ARHGAP24: variants seen among roughly 807,000 people sequenced by gnomAD.
The protein encoded by ARHGAP24 is rho GTPase-activating protein 24.
Under a neutral mutation model 76.4 loss-of-function variants are expected in ARHGAP24, and 50 were observed. That is an observed-to-expected ratio of 0.65 (90% confidence interval 0.52 to 0.83). The LOEUF is 0.83. Ranked by LOEUF, ARHGAP24 falls within the 40% of genes least tolerant of loss-of-function variation. ARHGAP24 has a pLI of 0.00. For synonymous variants in ARHGAP24, 345 were observed against 323.3 expected (o/e 1.07, Z -0.72); for missense variants, 930 against 914.2 (o/e 1.02, Z -0.22).
intron 3 of ARHGAP24, among the ~76,000 whole-genome samples, chr4:85,752,394 C>T (rs1726296988): frequency 6.6e-6 from 1 of 152,086 alleles, no homozygotes; most frequent in Non-Finnish European, 1.5e-5. Context: ...CCCACAACTC[C>T]ATGAAGCACA....
chr4:85,786,120 A>G (rs1727829480), intron 3 of ARHGAP24, among the ~76,000 whole-genome samples: 2 of 152,186 alleles, frequency 1.3e-5, no homozygotes, highest in South Asian at 4.1e-4. Context: ...TGGGATCTTA[A>G]TGATCTCGTA....
At chr4:85,754,272 A>G (rs888873804) in intron 3 of ARHGAP24, among the ~76,000 whole-genome samples, 1 of 152,220 alleles carries the variant, frequency 6.6e-6, no homozygotes, top group African/African-American at 2.4e-5. Context: ...ATTCTTTTGT[A>G]TGGGTGAATA....
chr4:85,517,455 A>G (rs1306869031), intron 1 of ARHGAP24, among the ~76,000 whole-genome samples: 2 of 152,162 alleles, frequency 1.3e-5, no homozygotes, highest in African/African-American at 4.8e-5. Context: ...AAAATTTAAC[A>G]ATTTAAAATT....
intron 3 of ARHGAP24, among the ~76,000 whole-genome samples, chr4:85,847,987 G>C (rs1172171041): frequency 6.6e-6 from 1 of 152,070 alleles, no homozygotes; most frequent in Non-Finnish European, 1.5e-5. Context: ...TACTGTGCAG[G>C]ATTACACAGT....
At chr4:85,873,401 T>G (rs966156557) in intron 3 of ARHGAP24, among the ~76,000 whole-genome samples, 1 of 152,224 alleles carries the variant, frequency 6.6e-6, no homozygotes, top group African/African-American at 2.4e-5. Context: ...CAAGTGAGCA[T>G]GCATCTTTAG....
chr4:85,956,787 G>T (rs1259022183), intron 5 of ARHGAP24, among the ~76,000 whole-genome samples: 1 of 152,142 alleles, frequency 6.6e-6, no homozygotes, highest in Non-Finnish European at 1.5e-5. Flanking sequence ...GAAGTCAGCG[G>T]CAGGCAGCAA....
intron 2 of ARHGAP24, among the ~76,000 whole-genome samples, chr4:85,611,436 T>C (rs1373504247): frequency 2.0e-5 from 3 of 152,214 alleles, no homozygotes; most frequent in Non-Finnish European, 4.4e-5. Context: ...CTAGATCCCA[T>C]GACAATTATC....
intron 2 of ARHGAP24, among the ~76,000 whole-genome samples, chr4:85,604,732 G>T (rs547189819): frequency 1.3e-5 from 2 of 151,978 alleles, no homozygotes; most frequent in Non-Finnish European, 2.9e-5. Flanking sequence ...GATTATAGGT[G>T]TGCACCACTA....
rs115797805 is a variant in ARHGAP24 at position 85,676,609 on chromosome 4, G to A, written c.181-45276G>A. 8.1e-3 allele frequency among the ~76,000 whole-genome samples: 1,232 copies of A among 152,146 alleles called. 18 individuals carry two copies. The highest frequency in any genetic ancestry group is 0.028 in the African/African-American group (1,150 of 41,498). On this transcript the variant is annotated intron_variant, in intron 2 of 9. Transcript: ENST00000395184. ...AAATGTTTGTCTTGTTTCTCCTATT[G>A]TTACCAATGGTCCTTTTGGCTCCCA...
chr4:85,600,353 A>G (rs1411012791), intron 2 of ARHGAP24, among the ~76,000 whole-genome samples: 1 of 152,198 alleles, frequency 6.6e-6, no homozygotes, highest in East Asian at 1.9e-4. Context: ...GTTTTAAGAA[A>G]GGGAGTGACA....
chr4:85,611,569 A>G (rs898919165), intron 2 of ARHGAP24, among the ~76,000 whole-genome samples: 13 of 152,254 alleles, frequency 8.5e-5, no homozygotes, highest in African/African-American at 3.1e-4. Flanking sequence ...TTATTAGTCA[A>G]TACTACAAAA....
chr4:85,987,049 A>G (rs1740047762), intron 8 of ARHGAP24, among the ~76,000 whole-genome samples: 2 of 152,180 alleles, frequency 1.3e-5, no homozygotes, highest in Non-Finnish European at 2.9e-5. Flanking sequence ...TGTATTTGTC[A>G]AAACCCATAG....
intron 1 of ARHGAP24, among the ~76,000 whole-genome samples, chr4:85,560,317 G>A (rs1726543835): frequency 1.3e-5 from 2 of 151,826 alleles, no homozygotes; most frequent in Non-Finnish European, 2.9e-5. Flanking sequence ...CATCTTAAGA[G>A]GGAAAAGATT....
chr4:85,934,084 C>T (rs903578791), intron 4 of ARHGAP24, among the ~76,000 whole-genome samples: 8 of 152,166 alleles, frequency 5.3e-5, no homozygotes, highest in Non-Finnish European at 5.9e-5. Flanking sequence ...CTCTGTGCAC[C>T]CCCAGCACTC....
chr4:85,812,474 G>C (rs1729056932), intron 3 of ARHGAP24, among the ~76,000 whole-genome samples: 1 of 151,588 alleles, frequency 6.6e-6, no homozygotes. Flanking sequence ...TCAGAATCTA[G>C]ATAAAATCTA....
chr4:85,866,604 G>A (rs1397482056), intron 3 of ARHGAP24, among the ~76,000 whole-genome samples: 1 of 152,042 alleles, frequency 6.6e-6, no homozygotes, highest in East Asian at 1.9e-4. Flanking sequence ...CAAACCAATG[G>A]TTTGAGAAAT....
chr4:85,813,269 A>T (rs1225362768), intron 3 of ARHGAP24, among the ~76,000 whole-genome samples: 1 of 152,232 alleles, frequency 6.6e-6, no homozygotes, highest in African/African-American at 2.4e-5. Context: ...ACAGGGAAGC[A>T]GTTCATTTGA....
At chr4:85,904,683 C>G (rs1189513550) in intron 3 of ARHGAP24, among the ~76,000 whole-genome samples, 1 of 152,160 alleles carries the variant, frequency 6.6e-6, no homozygotes, top group Non-Finnish European at 1.5e-5. Context: ...CCTAACATGG[C>G]ATTCAGAAAT....
At chr4:85,923,794 A>T in intron 4 of ARHGAP24, 24 bp downstream of exon 4, 1 of 1,613,662 alleles carries the variant, frequency 6.2e-7, no homozygotes, top group Non-Finnish European at 8.5e-7. Context: ...AAAATCATGG[A>T]AAAACAGAAA....
Sources: gnomAD v4.1 joint callset for allele counts (sites outside exome capture counted in the v4.1 genomes callset) on GRCh38, gnomAD v4.1.1 for gene constraint, MANE v1.5 for transcripts, NCBI Gene and HGNC (gene_info 2026-07-23, HGNC 2026-07-21) for gene names.